SUGCT: variants seen among roughly 807,000 people sequenced by gnomAD.
SUGCT encodes the protein succinyl-CoA:glutarate CoA-transferase.
In SUGCT, 41 loss-of-function variants were observed where a neutral mutation model predicts 55.0. The ratio of observed to expected loss-of-function variants is 0.74; its 90% confidence interval spans 0.58 to 0.97. SUGCT has a LOEUF of 0.97. Among genes scored for constraint, SUGCT ranks in the 50% least tolerant of loss-of-function variants. The pLI, the probability that SUGCT is intolerant of heterozygous loss-of-function variation, is 0.00. For missense variants in SUGCT, 568 were observed against 547.8 expected, an observed-to-expected ratio of 1.04 and a Z score of -0.37; for synonymous variants, 187 against 200.4, an observed-to-expected ratio of 0.93 and a Z score of 0.56.
intron 13 of SUGCT, among the ~76,000 whole-genome samples, chr7:40,856,095 AC>A (rs1379778201): frequency 6.6e-6 from 1 of 152,192 alleles, no homozygotes; most frequent in Non-Finnish European, 1.5e-5. Flanking sequence ...GGCAAAACAG[AC>A]CAACTGGCAT....
chr7:40,486,745 A>C (rs1200538293), intron 11 of SUGCT, among the ~76,000 whole-genome samples: 1 of 138,018 alleles, frequency 7.2e-6, no homozygotes, highest in East Asian at 2.0e-4. Flanking sequence ...TTTTCAATTG[A>C]AGTGAAGTCT....
intron 12 of SUGCT, among the ~76,000 whole-genome samples, chr7:40,616,607 C>G (rs907603095): frequency 1.3e-5 from 2 of 152,184 alleles, no homozygotes; most frequent in Non-Finnish European, 2.9e-5. Flanking sequence ...ACAAAGCAAA[C>G]TATTTTGGGG....
intron 6 of SUGCT, among the ~76,000 whole-genome samples, chr7:40,232,520 G>A (rs1009083842): frequency 6.6e-6 from 1 of 152,184 alleles, no homozygotes; most frequent in African/African-American, 2.4e-5. Flanking sequence ...CCATTAACAA[G>A]ACAGTGTGTT....
chr7:40,152,855 C>A (rs778054505), intron 1 of SUGCT, among the ~76,000 whole-genome samples: 5 of 151,958 alleles, frequency 3.3e-5, no homozygotes, highest in Non-Finnish European at 5.9e-5. Flanking sequence ...CGCCCACCAC[C>A]GTGCCCGGCT....
chr7:40,409,151 T>A (rs1482948460), intron 9 of SUGCT, among the ~76,000 whole-genome samples: 3 of 152,132 alleles, frequency 2.0e-5, no homozygotes, highest in African/African-American at 7.2e-5. Context: ...GCTGGGGTTT[T>A]ACCATGATGC....
intron 7 of SUGCT, among the ~76,000 whole-genome samples, chr7:40,273,711 G>A (rs985566106): frequency 7.9e-5 from 12 of 152,124 alleles, no homozygotes; most frequent in African/African-American, 2.4e-4. Flanking sequence ...AGACATGTCT[G>A]GGACATTGAG....
intron 13 of SUGCT, among the ~76,000 whole-genome samples, chr7:40,798,560 A>G (rs181350012): frequency 2.0e-4 from 31 of 152,346 alleles, no homozygotes; most frequent in African/African-American, 7.2e-4. Context: ...ATGTTAGCCA[A>G]TAATACATCC....
At chr7:40,715,646 T>A (rs1785982750) in intron 12 of SUGCT, among the ~76,000 whole-genome samples, 1 of 152,208 alleles carries the variant, frequency 6.6e-6, no homozygotes, top group Admixed American at 6.5e-5. Context: ...TGTCTTTACC[T>A]GCATATTCAA....
intron 11 of SUGCT, among the ~76,000 whole-genome samples, chr7:40,491,665 A>G (rs969889743): frequency 6.6e-6 from 1 of 152,112 alleles, no homozygotes; most frequent in Non-Finnish European, 1.5e-5. Flanking sequence ...GTGTCAAAAA[A>G]AAAAGCACAA....
chr7:40,746,148 G>A (rs1288555515), intron 12 of SUGCT, among the ~76,000 whole-genome samples: 3 of 152,280 alleles, frequency 2.0e-5, no homozygotes, highest in African/African-American at 7.2e-5. Context: ...AGTGTCAAAC[G>A]TGAAAGGGTA....
intron 12 of SUGCT, among the ~76,000 whole-genome samples, chr7:40,642,993 G>T (rs541990098): frequency 6.6e-6 from 1 of 152,230 alleles, no homozygotes; most frequent in South Asian, 2.1e-4. Context: ...AAATTATTGT[G>T]TTGGAGGTGA....
chr7:40,373,439 G>C (rs944431840), intron 9 of SUGCT, among the ~76,000 whole-genome samples: 1 of 60,464 alleles, frequency 1.7e-5, no homozygotes, highest in Non-Finnish European at 3.8e-5. Flanking sequence ...TTTTTGAACA[G>C]CATTTTAAGA....
chr7:40,915,045 G>GT, the SUGCT span, among the ~76,000 whole-genome samples: 2 of 152,130 alleles, frequency 1.3e-5, no homozygotes, highest in African/African-American at 4.8e-5. Context: ...GATAGGGATC[G>GT]TATCAGAAAA....
chr7:40,415,061 A>ATCTATCTATCTATCT (rs59583043), intron 9 of SUGCT, among the ~76,000 whole-genome samples: 3 of 63,586 alleles, frequency 4.7e-5, no homozygotes, highest in African/African-American at 7.0e-5. Context: ...AAAAAAAAAA[A>ATCTATCTATCTATCT]ATCTATCTAT....
At chr7:40,138,997 G>A (rs1787837031) in intron 1 of SUGCT, among the ~76,000 whole-genome samples, 1 of 151,988 alleles carries the variant, frequency 6.6e-6, no homozygotes, top group Admixed American at 6.6e-5. Context: ...AATCAGGCTG[G>A]GCGTGGTGGC....
the SUGCT span, among the ~76,000 whole-genome samples, chr7:40,972,030 T>C: frequency 2.6e-5 from 4 of 152,236 alleles, no homozygotes; most frequent in Non-Finnish European, 4.4e-5. Flanking sequence ...AACATTTTTC[T>C]TTTTTGGTAT....
chr7:40,500,709 G>T (rs1451882737), intron 12 of SUGCT, among the ~76,000 whole-genome samples: 1 of 152,090 alleles, frequency 6.6e-6, no homozygotes, highest in East Asian at 1.9e-4. Flanking sequence ...TTAATCTCTA[G>T]ACTAGCTCAT....
chr7:40,614,469 A>G (rs1406668134), intron 12 of SUGCT, among the ~76,000 whole-genome samples: 1 of 152,196 alleles, frequency 6.6e-6, no homozygotes, highest in Non-Finnish European at 1.5e-5. Context: ...TTCTTGCAGC[A>G]TCTCACAAAG....
chr7:40,598,555 G>T (rs1473985640), intron 12 of SUGCT, among the ~76,000 whole-genome samples: 1 of 152,194 alleles, frequency 6.6e-6, no homozygotes, highest in Admixed American at 6.5e-5. Context: ...TAGAGAAAGG[G>T]TCACTGCAAG....
Sources: gnomAD v4.1 joint callset for allele counts (sites outside exome capture counted in the v4.1 genomes callset) on GRCh38, gnomAD v4.1.1 for gene constraint, MANE v1.5 for transcripts, NCBI Gene and HGNC (gene_info 2026-07-23, HGNC 2026-07-21) for gene names.